The following ADCY1 variants were observed in gnomAD, a reference collection of about 807,000 sequenced individuals.
ADCY1 encodes the protein adenylate cyclase 1, also known as adenylate cyclase type 1.
ADCY1 carries 28 observed loss-of-function variants against 105.4 expected under a neutral mutation model. The observed-to-expected ratio is 0.27, with a 90% CI of 0.20 to 0.36. The LOEUF (loss-of-function observed/expected upper bound fraction) is 0.36. Ranked by LOEUF, ADCY1 falls within the 10% of genes least tolerant of loss-of-function variation. The pLI is 1.00. For missense variants in ADCY1, 977 were observed against 1,434.2 expected (o/e 0.68, Z 5.15); for synonymous variants, 655 against 623.8 (o/e 1.05, Z -0.75).
At chr7:45,613,482 T>C (rs1441807654) in intron 3 of ADCY1, among the ~76,000 whole-genome samples, 1 of 152,178 alleles carries the variant, frequency 6.6e-6, no homozygotes, top group African/African-American at 2.4e-5. Flanking sequence ...ATACACCTTA[T>C]GGGAGTTACA....
intron 4 of ADCY1, among the ~76,000 whole-genome samples, chr7:45,644,883 G>GTC (rs1794618748): frequency 6.6e-6 from 1 of 152,144 alleles, no homozygotes; most frequent in Non-Finnish European, 1.5e-5. Flanking sequence ...TTCAACATTT[G>GTC]TCCTAAGCTG....
At chr7:45,694,811 T>G (rs1784850435) in intron 14 of ADCY1, among the ~76,000 whole-genome samples, 1 of 152,230 alleles carries the variant, frequency 6.6e-6, no homozygotes, top group Non-Finnish European at 1.5e-5. Flanking sequence ...TGATGCCTGG[T>G]GAATTATAAG....
At chr7:45,626,402 G>C (rs377237789) in intron 4 of ADCY1, among the ~76,000 whole-genome samples, 1 of 152,176 alleles carries the variant, frequency 6.6e-6, no homozygotes, top group Non-Finnish European at 1.5e-5. Context: ...AGTGTCCTGG[G>C]AGTCAGCCCC....
At chr7:45,694,799 C>G (rs1227806378) in intron 14 of ADCY1, among the ~76,000 whole-genome samples, 1 of 152,200 alleles carries the variant, frequency 6.6e-6, no homozygotes, top group African/African-American at 2.4e-5. Context: ...CAGTACTTTA[C>G]CTGATGCCTG....
rs181536647 is a variant in ADCY1 at position 45,714,306 on chromosome 7, A to C, written c.*311A>C. ...CTGTTTCTTTCCAGCAAGCCTGTTC[A>C]GGTTTGGCCAGGTCGGCATCAATGT... On this transcript the variant is annotated 3_prime_UTR_variant, in exon 20 of 20. Transcript: ENST00000297323. The C allele has an allele frequency of 1.3e-4, 52 of 395,952 alleles. No individual in the cohort carries two copies. The Admixed American group carries it at 1.7e-3, about 13-fold the overall frequency. The allele number at this position is 395,952 out of a possible 1,614,324, so 24.5% of individuals were successfully genotyped here.
intron 2 of ADCY1, among the ~76,000 whole-genome samples, chr7:45,604,448 G>GA (rs747872006): frequency 6.6e-6 from 1 of 152,046 alleles, no homozygotes; most frequent in Non-Finnish European, 1.5e-5. Flanking sequence ...GTGTTTTTCT[G>GA]AAAGTTTTAT....
chr7:45,643,386 C>T (rs967511775), intron 4 of ADCY1, among the ~76,000 whole-genome samples: 1 of 151,888 alleles, frequency 6.6e-6, no homozygotes, highest in South Asian at 2.1e-4. Context: ...ATTCTAATGA[C>T]AGTAATATTA....
Position 45,714,514 on chromosome 7 carries a change from A to G in ADCY1, c.*519A>G. 1 of 163,212 alleles carries G rather than the reference A, an allele frequency of 6.1e-6. No homozygotes were observed. Among genetic ancestry groups the G allele is most frequent in the Non-Finnish European group, 1.3e-5 (1 of 74,360 alleles). 10.1% of individuals were successfully genotyped at this position (163,212 alleles called of 1,614,324 possible). On this transcript the variant is annotated 3_prime_UTR_variant, in exon 20 of 20. Transcript: ENST00000297323. ...GCTTCAAGAGCCAGAGTGGGAAGTC[A>G]GGCCTCTCTGGGAAGGTCACAAGGC...
At chr7:45,658,308 C>T (rs530732785) in intron 6 of ADCY1, among the ~76,000 whole-genome samples, 1 of 152,358 alleles carries the variant, frequency 6.6e-6, no homozygotes, top group South Asian at 2.1e-4. Context: ...AAGCTCCACA[C>T]AGCCATCTAG....
At chr7:45,668,465 C>T (rs912815340) in intron 8 of ADCY1, among the ~76,000 whole-genome samples, 2 of 152,186 alleles carry the variant, frequency 1.3e-5, no homozygotes, top group Non-Finnish European at 2.9e-5. Context: ...AGCCTTGCAT[C>T]CCAGGGATGA....
chr7:45,711,107 C>A (rs1785223130), intron 19 of ADCY1, among the ~76,000 whole-genome samples: 1 of 152,220 alleles, frequency 6.6e-6, no homozygotes, highest in South Asian at 2.1e-4. Context: ...CTCTAAAAGC[C>A]ATGGAAAGGT....
chr7:45,703,259 G>A lies in ADCY1; in HGVS notation c.2455-117G>A. ...AGTGGGGAGGAGGGACAGGAGCGTGGATGTAGACCATCAGCACACCTGGAG... is the reference window on the plus strand; with the variant it reads ...AGTGGGGAGGAGGGACAGGAGCGTGAATGTAGACCATCAGCACACCTGGAG... On this transcript the variant is annotated intron_variant, in intron 14 of 19. Transcript: ENST00000297323. This position sits in a 1 kb window ranked among gnomAD's most constrained non-coding sequence, Gnocchi z 5.9. The A allele has an allele frequency of 2.2e-6, 2 of 905,784 alleles. No homozygotes were observed. The highest frequency in any genetic ancestry group is 3.6e-6 in the Non-Finnish European group (2 of 547,964). 56.1% of individuals were successfully genotyped at this position (905,784 alleles called of 1,614,324 possible). A position where few individuals can be genotyped will look rare whatever the true frequency, so the allele number is the denominator to read the frequency against.
intron 1 of ADCY1, among the ~76,000 whole-genome samples, chr7:45,577,190 G>A (rs1006950372): frequency 2.6e-5 from 4 of 152,182 alleles, no homozygotes; most frequent in African/African-American, 9.7e-5. Context: ...CCCTCACTGA[G>A]CCTCAGGTTT....
intron 3 of ADCY1, among the ~76,000 whole-genome samples, chr7:45,617,707 A>G (rs1225559639): frequency 2.0e-5 from 3 of 152,252 alleles, no homozygotes; most frequent in Non-Finnish European, 4.4e-5. Flanking sequence ...AATAAAAACT[A>G]TAAAACAATG....
intron 19 of ADCY1, among the ~76,000 whole-genome samples, chr7:45,712,513 C>T (rs1785280371): frequency 6.6e-6 from 1 of 152,140 alleles, no homozygotes; most frequent in Non-Finnish European, 1.5e-5. Flanking sequence ...CAGGTGTCTC[C>T]TGGCTGCCCA....
chr7:45,598,002 G>T (rs1793124024), intron 2 of ADCY1, among the ~76,000 whole-genome samples: 1 of 152,180 alleles, frequency 6.6e-6, no homozygotes, highest in Non-Finnish European at 1.5e-5. Flanking sequence ...GTCACCCTGG[G>T]CCCCTGCCCT....
At chr7:45,637,278 A>G (rs1186444831) in intron 4 of ADCY1, among the ~76,000 whole-genome samples, 2 of 152,188 alleles carry the variant, frequency 1.3e-5, no homozygotes, top group Non-Finnish European at 2.9e-5. Flanking sequence ...TAGTGTTATA[A>G]ACTCCATTTT....
intron 1 of ADCY1, among the ~76,000 whole-genome samples, chr7:45,582,469 G>C (rs1792580855): frequency 6.6e-6 from 1 of 152,070 alleles, no homozygotes; most frequent in Non-Finnish European, 1.5e-5. Flanking sequence ...GTGGAGGCAG[G>C]GACCGGGCTA....
chr7:45,635,468 A>AT lies in ADCY1; in HGVS notation c.1020+12731dup, dbSNP rs574190206. Among the ~76,000 whole-genome samples the AT allele has an allele frequency of 4.0e-4, 61 of 151,708 alleles. 3 individuals are homozygous for AT. The South Asian group carries it at 0.013, about 32-fold the overall frequency. ...TGGATGCCAAAGCCATTAATTAAAC[A>AT]TTTTTTATGTCTTTTAATATAAGAA... is the stretch of plus-strand genomic sequence containing the variant. On this transcript the variant is annotated intron_variant, in intron 4 of 19. Coordinates refer to ENST00000297323, the MANE Select transcript of ADCY1 (RefSeq NM_021116.4).
Sources: gnomAD v4.1 joint callset for allele counts (sites outside exome capture counted in the v4.1 genomes callset) on GRCh38, gnomAD v4.1.1 for gene constraint, Gnocchi (gnomAD v3.1) non-coding constraint, MANE v1.5 for transcripts, NCBI Gene and HGNC (gene_info 2026-07-23, HGNC 2026-07-21) for gene names.